Variants in ARGFX observed in about 807,000 individuals in gnomAD.
ARGFX encodes arginine-fifty homeobox.
ARGFX carries 10 observed loss-of-function variants against 8.0 expected under a neutral mutation model. That is an observed-to-expected ratio of 1.25 (90% CI 0.77 to 2.12). The LOEUF (loss-of-function observed/expected upper bound fraction) is 2.12, where lower values mean the gene tolerates loss of function less well. Ranked by LOEUF, ARGFX falls within the 30% of genes most tolerant of loss-of-function variation. ARGFX has a pLI of 0.00. For synonymous variants in ARGFX, 116 were observed against 117.8 expected, an observed-to-expected ratio of 0.98 and a Z score of 0.10; for missense variants, 282 against 324.3, an observed-to-expected ratio of 0.87 and a Z score of 1.00.
At chr3:121,584,211 G>GAAGA (rs1457928221) in intron 3 of ARGFX, among the ~76,000 whole-genome samples, 10 of 55,626 alleles carry the variant, frequency 1.8e-4, no homozygotes, top group Admixed American at 1.2e-3. Context: ...AGAGAGGAAG[G>GAAGA]AAGGAAGGAA....
intron 3 of ARGFX, among the ~76,000 whole-genome samples, chr3:121,577,250 T>TATATATATATATATCTACATGTAC (rs2048746530): frequency 5.4e-5 from 3 of 55,306 alleles, no homozygotes; most frequent in Admixed American, 2.9e-4. Flanking sequence ...TATATATATA[T>TATATATATATATATCTACATGTAC]ATATATATAT....
chr3:121,570,944 T>C, intron 2 of ARGFX, 128 bp downstream of exon 2: 1 of 612,958 alleles, frequency 1.6e-6, no homozygotes, highest in Non-Finnish European at 2.6e-6. Context: ...CAAAAAGTCT[T>C]CCCATCATAA....
chr3:121,574,051 T>C (rs1037336808), intron 2 of ARGFX, among the ~76,000 whole-genome samples: 1 of 152,042 alleles, frequency 6.6e-6, no homozygotes, highest in Admixed American at 6.6e-5. Flanking sequence ...GAAATCAGAA[T>C]GTTTGCAGGA....
At chr3:121,580,006 G>T (rs1393513741) in intron 3 of ARGFX, among the ~76,000 whole-genome samples, 1 of 129,598 alleles carries the variant, frequency 7.7e-6, no homozygotes, top group Non-Finnish European at 1.6e-5. Flanking sequence ...AAGCTGGAGT[G>T]CAGTGGCGCG....
At chr3:121,580,943 T>C (rs1258609044) in intron 3 of ARGFX, among the ~76,000 whole-genome samples, 1 of 152,310 alleles carries the variant, frequency 6.6e-6, no homozygotes, top group East Asian at 1.9e-4. Context: ...TTATTATATG[T>C]TGTGTTTAGA....
chr3:121,583,309 T>C (rs2048791046), intron 3 of ARGFX, among the ~76,000 whole-genome samples: 1 of 152,068 alleles, frequency 6.6e-6, no homozygotes, highest in African/African-American at 2.4e-5. Flanking sequence ...GGATTACAGG[T>C]GTGAGTCACC....
At chr3:121,570,621 G>A in intron 1 of ARGFX, 81 bp from the exon 2 acceptor site, 1 of 894,076 alleles carries the variant, frequency 1.1e-6, no homozygotes, top group Non-Finnish European at 1.7e-6. Flanking sequence ...CATACATCAA[G>A]CCCAGGCTCC....
intron 3 of ARGFX, among the ~76,000 whole-genome samples, chr3:121,577,245 ATATATATATATATATT>A (rs1425373093): frequency 5.3e-5 from 3 of 56,836 alleles, no homozygotes; most frequent in Non-Finnish European, 1.0e-4. Flanking sequence ...ATATATATAT[ATATATATATATATATT>A]TTTTTTTTTT....
intron 2 of ARGFX, among the ~76,000 whole-genome samples, chr3:121,573,353 C>A (rs532888046): frequency 1.3e-5 from 2 of 151,560 alleles, no homozygotes; most frequent in South Asian, 4.2e-4. Flanking sequence ...TGGTGGCAGG[C>A]GCCTGTAATC....
In ARGFX at chr3:121,585,084, T is replaced by C; in HGVS notation, c.369+19T>C. ...AGTAAAGGTCTGATCCCCTGTGGTG[T>C]GCTTGGTACCCCCATCCAAGCCACA... On this transcript the variant is annotated intron_variant, in intron 4 of 4. Coordinates refer to ENST00000334384, the MANE Select transcript of ARGFX (RefSeq NM_001012659.2). 2.5e-6 allele frequency: 4 copies of C among 1,611,626 alleles called. No homozygotes were observed. The South Asian group carries it at 3.3e-5, about 13-fold the overall frequency.
intron 2 of ARGFX, among the ~76,000 whole-genome samples, chr3:121,573,710 T>G (rs1362181040): frequency 6.6e-6 from 1 of 151,308 alleles, no homozygotes; most frequent in Non-Finnish European, 1.5e-5. Context: ...TAGCTGGGTG[T>G]GGTGGTGCAT....
At chr3:121,577,243 ATATATATATATATATATTTT>A (rs1422899727) in intron 3 of ARGFX, among the ~76,000 whole-genome samples, 11 of 88,620 alleles carry the variant, frequency 1.2e-4, no homozygotes, top group African/African-American at 5.5e-4. Context: ...ATATATATAT[ATATATATATATATATATTTT>A]TTTTTTTTTA....
At chr3:121,571,508 GAC>G (rs2048707876) in intron 2 of ARGFX, among the ~76,000 whole-genome samples, 1 of 151,554 alleles carries the variant, frequency 6.6e-6, no homozygotes, top group Non-Finnish European at 1.5e-5. Flanking sequence ...CTGAAATAAA[GAC>G]ACAAATGGAA....
In ARGFX at chr3:121,584,993, G is replaced by C; in HGVS notation, c.297G>C (p.Gln99His). The change falls in exon 4 of 5, where the codon CAG becomes CAC. Residue 99 changes from glutamine to histidine, a missense_variant. Transcript: ENST00000334384. ...QYEELEALFS[Q>H]TMFPDRNLQE... is the part of the protein sequence containing the mutation. ...AGGAGCTAGAAGCTCTGTTTAGCCA[G>C]ACCATGTTCCCAGATAGAAATCTTC... is the stretch of plus-strand genomic sequence containing the variant. 6.2e-7 allele frequency: 1 copy of C among 1,614,024 alleles called. No individual in the cohort carries two copies. The highest frequency in any genetic ancestry group is 8.5e-7 in the Non-Finnish European group (1 of 1,179,998).
At chr3:121,575,008 A>G (rs2048728093) in intron 2 of ARGFX, among the ~76,000 whole-genome samples, 2 of 152,174 alleles carry the variant, frequency 1.3e-5, no homozygotes, top group African/African-American at 4.8e-5. Flanking sequence ...AAAAATAAGT[A>G]TTTGTTGTTG....
intron 2 of ARGFX, among the ~76,000 whole-genome samples, chr3:121,572,936 A>C (rs1320473586): frequency 1.3e-5 from 2 of 152,200 alleles, no homozygotes; most frequent in African/African-American, 4.8e-5. Flanking sequence ...GGGAAAACTG[A>C]ATATCCACAT....
rs1420030592 is a variant in ARGFX, at chr3:121,586,353, A to T, written c.701A>T (p.Tyr234Phe). ...GACATATTCCAAATCATAGAACTGT[A>T]CAATCTTCCTGATGAGAATGAGATA... ...AYDIFQIIEL[Y>F]NLPDENEISS... The change falls in exon 5 of 5, where the codon TAC becomes TTC. Residue 234 changes from tyrosine (Y) to phenylalanine (F), a missense_variant. Coordinates refer to ENST00000334384, the MANE Select transcript of ARGFX (RefSeq NM_001012659.2). 5.0e-6 allele frequency: 8 copies of T among 1,614,064 alleles called. No homozygotes were observed. In the Admixed American group the frequency reaches 1.3e-4, roughly 27 times the overall value.
chr3:121,579,934 T>C (rs2048766993), intron 3 of ARGFX, among the ~76,000 whole-genome samples: 1 of 97,154 alleles, frequency 1.0e-5, no homozygotes, highest in East Asian at 6.6e-4. Flanking sequence ...CTTTTTCTTT[T>C]CTTTTCTTTT....
chr3:121,584,567 A>C (rs551362143), intron 3 of ARGFX, among the ~76,000 whole-genome samples: 1 of 152,254 alleles, frequency 6.6e-6, no homozygotes, highest in South Asian at 2.1e-4. Flanking sequence ...AAGACTGAGT[A>C]CCAGAGAATA....
Sources: allele counts gnomAD v4.1 joint callset (sites outside exome capture counted in the v4.1 genomes callset), GRCh38; gene constraint gnomAD v4.1.1; transcripts MANE v1.5; gene names NCBI Gene and HGNC (gene_info 2026-07-23, HGNC 2026-07-21).